Variants in NOS1AP observed in about 807,000 individuals in gnomAD.
NOS1AP encodes carboxyl-terminal PDZ ligand of neuronal nitric oxide synthase protein.
NOS1AP carries 21 observed loss-of-function variants against 56.2 expected under a neutral mutation model. The ratio of observed to expected loss-of-function variants is 0.37; its 90% confidence interval spans 0.26 to 0.54. The LOEUF (loss-of-function observed/expected upper bound fraction) is 0.54, where lower values mean the gene tolerates loss of function less well. NOS1AP is among the 20% of genes least tolerant of loss of function. NOS1AP has a pLI of 0.84. For synonymous variants in NOS1AP, 270 were observed against 274.6 expected (o/e 0.98, Z 0.17); for missense variants, 522 against 657.8 (o/e 0.79, Z 2.26).
chr1:162,119,592 A>AAG (rs1171979023), intron 1 of NOS1AP, among the ~76,000 whole-genome samples: 1 of 152,168 alleles, frequency 6.6e-6, no homozygotes, highest in African/African-American at 2.4e-5. Flanking sequence ...TGCCAACAGA[A>AAG]AGAGGGTTCA....
intron 1 of NOS1AP, among the ~76,000 whole-genome samples, chr1:162,144,640 T>C (rs1397903576): frequency 1.3e-5 from 2 of 152,190 alleles, no homozygotes; most frequent in African/African-American, 4.8e-5. Flanking sequence ...CAGGTAGGCA[T>C]GGCAGAAAGT....
intron 2 of NOS1AP, among the ~76,000 whole-genome samples, chr1:162,251,863 T>TTG (rs1444591435): frequency 1.0e-5 from 1 of 99,034 alleles, no homozygotes; most frequent in Non-Finnish European, 2.1e-5. Context: ...AGTTGTTTTT[T>TTG]TTTTTGTTTT....
chr1:162,367,444 C>A lies in NOS1AP; in HGVS notation c.1498C>A (p.Leu500Met). 1.3e-6 allele frequency: 2 copies of A among 1,570,860 alleles called. No individual in the cohort carries two copies. The highest frequency in any genetic ancestry group is 2.3e-5 in the East Asian group (1 of 43,046). Reference sequence around the variant, plus strand: ...GCAGAGGCAGGAACTGGGCGACGGCCTGGATGATGAGATCGCCGTGTAGGT... The same window carrying A: ...GCAGAGGCAGGAACTGGGCGACGGCATGGATGATGAGATCGCCGTGTAGGT... The part of the protein sequence containing the change: ...VLQRQELGDG[L>M]DDEIAV The change falls in exon 10 of 10, where the codon CTG becomes ATG. Residue 500 changes from leucine to methionine, a missense_variant. Physicochemically the swap from Leu to Met is conservative, Grantham distance 15. Transcript: ENST00000361897. The surrounding 1 kb of genome is among the most constrained non-coding windows in gnomAD (Gnocchi z 6.5).
chr1:162,186,649 G>A (rs1415596308), intron 2 of NOS1AP, among the ~76,000 whole-genome samples: 6 of 152,170 alleles, frequency 3.9e-5, no homozygotes, highest in Admixed American at 3.9e-4. Context: ...GTGAAAGAGA[G>A]TCAAGTTCAC....
chr1:162,298,614 G>A (rs1255130150), intron 3 of NOS1AP, among the ~76,000 whole-genome samples: 1 of 152,178 alleles, frequency 6.6e-6, no homozygotes. Context: ...AACATCTAGA[G>A]TCTTACAATA....
intron 2 of NOS1AP, among the ~76,000 whole-genome samples, chr1:162,189,905 C>G (rs369956219): frequency 2.6e-5 from 4 of 152,072 alleles, no homozygotes; most frequent in East Asian, 3.9e-4. Flanking sequence ...TCAGCAGGTA[C>G]AAGATTGGGA....
At chr1:162,140,456 C>T (rs534436961) in intron 1 of NOS1AP, among the ~76,000 whole-genome samples, 1 of 152,320 alleles carries the variant, frequency 6.6e-6, no homozygotes, top group East Asian at 1.9e-4. Flanking sequence ...TCTGCATTCA[C>T]ATTGCTTCAA....
chr1:162,262,069 G>A (rs749082166), intron 2 of NOS1AP, among the ~76,000 whole-genome samples: 1 of 152,128 alleles, frequency 6.6e-6, no homozygotes, highest in Non-Finnish European at 1.5e-5. Context: ...TGAGCAAAGA[G>A]CATTCCAGGT....
intron 2 of NOS1AP, among the ~76,000 whole-genome samples, chr1:162,175,475 T>G (rs1010893043): frequency 1.4e-4 from 21 of 152,224 alleles, no homozygotes; most frequent in Non-Finnish European, 2.9e-4. Context: ...CATCATTGTT[T>G]GTTGTTTTGA....
intron 8 of NOS1AP, among the ~76,000 whole-genome samples, chr1:162,362,742 C>A (rs895372243): frequency 2.0e-5 from 3 of 152,184 alleles, no homozygotes; most frequent in Non-Finnish European, 4.4e-5. Context: ...TAAGCTTACC[C>A]TTCTCTGAGG....
chr1:162,158,419 G>T (rs1016605481), intron 2 of NOS1AP, among the ~76,000 whole-genome samples: 1 of 152,114 alleles, frequency 6.6e-6, no homozygotes, highest in Non-Finnish European at 1.5e-5. Context: ...TTGCTTCTAT[G>T]TCTTGGCTGT....
intron 5 of NOS1AP, among the ~76,000 whole-genome samples, chr1:162,341,119 A>G (rs1369216610): frequency 6.6e-6 from 1 of 152,182 alleles, no homozygotes; most frequent in Non-Finnish European, 1.5e-5. Flanking sequence ...ATAAATTTAG[A>G]AATTCGATTC....
chr1:162,236,793 A>G (rs1653306764), intron 2 of NOS1AP, among the ~76,000 whole-genome samples: 1 of 152,306 alleles, frequency 6.6e-6, no homozygotes, highest in East Asian at 1.9e-4. Flanking sequence ...CATGTATTGC[A>G]GAAGAGTCTG....
chr1:162,133,708 A>G (rs938223126), intron 1 of NOS1AP, among the ~76,000 whole-genome samples: 3 of 152,220 alleles, frequency 2.0e-5, no homozygotes, highest in East Asian at 1.9e-4. Context: ...CTCCAAAGAA[A>G]TATGTTGGAA....
chr1:162,153,577 G>A lies in NOS1AP; in HGVS notation c.106-828G>A, dbSNP rs556001249. 2.6e-5 allele frequency among the ~76,000 whole-genome samples: 4 copies of A among 152,344 alleles called. No homozygotes were observed. In the East Asian group the frequency reaches 5.8e-4, roughly 22 times the overall value. ...TCCACCAGTAGGGGAGCCATTATAT[G>A]TAATGTAATAGTCCTGTATTCATTG... is the stretch of plus-strand genomic sequence containing the variant. On this transcript the variant is annotated intron_variant, in intron 1 of 9. Transcript: ENST00000361897.
At chr1:162,348,251 A>T (rs956260258) in intron 6 of NOS1AP, among the ~76,000 whole-genome samples, 2 of 152,244 alleles carry the variant, frequency 1.3e-5, no homozygotes, top group African/African-American at 4.8e-5. Flanking sequence ...GAGATTAAGT[A>T]GAGATTTCAA....
chr1:162,268,626 G>C (rs1313182568), intron 2 of NOS1AP, among the ~76,000 whole-genome samples: 1 of 152,070 alleles, frequency 6.6e-6, no homozygotes, highest in Non-Finnish European at 1.5e-5. Context: ...ATAAATAGAA[G>C]GAGGAAGCTG....
intron 1 of NOS1AP, among the ~76,000 whole-genome samples, chr1:162,117,332 G>A (rs576369706): frequency 2.6e-5 from 4 of 152,220 alleles, no homozygotes; most frequent in African/African-American, 9.6e-5. Context: ...AATGGATTGC[G>A]GCCTGTGTCT....
At chr1:162,287,256 T>G in intron 2 of NOS1AP, 88 bp from the exon 3 acceptor site, 1 of 953,966 alleles carries the variant, frequency 1.0e-6, no homozygotes, top group Non-Finnish European at 1.7e-6. Flanking sequence ...TCTGGGGACC[T>G]TTTTTCCAGG....
Sources: gnomAD v4.1 joint callset for allele counts (sites outside exome capture counted in the v4.1 genomes callset) on GRCh38, gnomAD v4.1.1 for gene constraint, Gnocchi (gnomAD v3.1) non-coding constraint, MANE v1.5 for transcripts, NCBI Gene and HGNC (gene_info 2026-07-23, HGNC 2026-07-21) for gene names.